Variants in STAT5B observed in about 807,000 individuals in gnomAD.
STAT5B encodes the protein signal transducer and activator of transcription 5B.
In STAT5B, 21 loss-of-function variants were observed where a neutral mutation model predicts 107.8. The ratio of observed to expected loss-of-function variants is 0.19; its 90% CI spans 0.14 to 0.28. The LOEUF (loss-of-function observed/expected upper bound fraction) is 0.28, where lower values mean the gene tolerates loss of function less well. STAT5B is among the 10% of genes least tolerant of loss of function. The probability of loss-of-function intolerance (pLI) is 1.00; values close to 1 mark genes in which losing one functional copy is unlikely to be tolerated. For synonymous variants in STAT5B, 325 were observed against 401.7 expected (o/e 0.81, Z 2.28); for missense variants, 565 against 1,008.2 (o/e 0.56, Z 5.95).
At position 42,219,439 on chromosome 17, in the gene STAT5B, T is replaced by C; in HGVS notation, c.706A>G (p.Thr236Ala). The C allele has an allele frequency of 6.8e-7, 1 of 1,473,332 alleles. No homozygotes were observed. Among genetic ancestry groups the C allele is most frequent in the Non-Finnish European group, 9.1e-7 (1 of 1,093,080 alleles). 91.3% of individuals were successfully genotyped at this position (1,473,332 alleles called of 1,614,324 possible). A position where few individuals can be genotyped will look rare whatever the true frequency, so the allele number is the denominator to read the frequency against. Residue 236 changes from threonine (T) to alanine (A), a missense_variant, in exon 7 of 19, where the codon ACC becomes GCC. Thr to Ala is a moderately conservative substitution (Grantham distance 58). Transcript: ENST00000293328. ...TGCTGCTTCCGCAGCAGCTGCAGGG[T>C]CTTCTGGTGCTTCTCGGCCAGCTCC... ...RVELAEKHQK[T>A]LQLLRKQQTI...
chr17:42,212,043 T>C lies in STAT5B; in HGVS notation c.1621A>G (p.Ser541Gly). 1 of 1,614,080 alleles carries C rather than the reference T, an allele frequency of 6.2e-7. No individual in the cohort carries two copies. The highest frequency in any genetic ancestry group is 1.1e-5 in the South Asian group (1 of 91,072). The change falls in exon 13 of 19, where the codon AGC (serine) becomes GGC (glycine). Residue 541 changes from serine (S) to glycine (G), a missense_variant. This residue lies in a region of STAT5B where 127 missense variants were observed against 215.8 expected (regional missense o/e 0.59). Coordinates refer to ENST00000293328, the MANE Select transcript of STAT5B (RefSeq NM_012448.4). ...CTGTAGTCCTCCAGGTGGCTGCTGC[T>C]GTTGTTGAACAGTTTCTGCGCCAGG... is the stretch of plus-strand genomic sequence containing the variant. ...VFLAQKLFNN[S>G]SSHLEDYSGL...
chr17:42,283,119 G>T, the STAT5B span, among the ~76,000 whole-genome samples: 1 of 152,238 alleles, frequency 6.6e-6, no homozygotes, highest in Non-Finnish European at 1.5e-5. Flanking sequence ...CCCCCAGAGG[G>T]CTTGAGGTTG....
At chr17:42,248,509 A>T (rs2080471375) in intron 1 of STAT5B, among the ~76,000 whole-genome samples, 2 of 152,208 alleles carry the variant, frequency 1.3e-5, no homozygotes, top group Admixed American at 6.5e-5. Flanking sequence ...AGTAAATAAA[A>T]TGCAATTACT....
At chr17:42,287,354 C>A in the STAT5B span, among the ~76,000 whole-genome samples, 1 of 150,904 alleles carries the variant, frequency 6.6e-6, no homozygotes, top group African/African-American at 2.5e-5. Flanking sequence ...AACATGCAGT[C>A]TTGGCCCAGC....
At chr17:42,236,905 C>T (rs1471368499) in intron 1 of STAT5B, among the ~76,000 whole-genome samples, 3 of 152,128 alleles carry the variant, frequency 2.0e-5, no homozygotes, top group Non-Finnish European at 4.4e-5. Context: ...TACCTCTGTC[C>T]CCAGTACCCG....
chr17:42,214,842 T>C (rs1477082191), intron 12 of STAT5B, among the ~76,000 whole-genome samples: 1 of 152,142 alleles, frequency 6.6e-6, no homozygotes, highest in Admixed American at 6.6e-5. Flanking sequence ...CTGGACCTCC[T>C]GGGCTCAGGC....
At chr17:42,247,890 C>T (rs2080464710) in intron 1 of STAT5B, among the ~76,000 whole-genome samples, 1 of 151,388 alleles carries the variant, frequency 6.6e-6, no homozygotes, top group East Asian at 1.9e-4. Flanking sequence ...GAGTTAGTAG[C>T]TGCAGTGAAC....
Position 42,202,943 on chromosome 17 carries a change from A to ATT in STAT5B, c.2078-137_2078-136dup, listed in dbSNP as rs1250238696. On this transcript the variant is annotated intron_variant, in intron 16 of 18. Transcript: ENST00000293328. ...TAAGGATATGACACAAGCACTTAAT[A>ATT]TTTTTTTGTTTTGTTTTTTGAAACA... 3 of 1,235,446 alleles carry ATT rather than the reference A, an allele frequency of 2.4e-6. No homozygotes were observed. In the African/African-American group the frequency reaches 4.5e-5, roughly 18 times the overall value. 76.5% of individuals were successfully genotyped at this position (1,235,446 alleles called of 1,614,324 possible).
intron 16 of STAT5B, among the ~76,000 whole-genome samples, chr17:42,206,871 G>A (rs1428436364): frequency 7.4e-5 from 10 of 134,720 alleles, no homozygotes; most frequent in Non-Finnish European, 1.6e-5. Flanking sequence ...CACCACGCCC[G>A]ACCTTCCTTT....
Position 42,241,929 on chromosome 17 carries a change from C to T in STAT5B, c.-10-9792G>A, listed in dbSNP as rs7208277. Among the ~76,000 whole-genome samples, 1,232 of 151,850 alleles carry T rather than the reference C, an allele frequency of 8.1e-3. 18 individuals are homozygous for T. The highest frequency in any genetic ancestry group is 0.029 in the African/African-American group (1,185 of 41,396). On this transcript the variant is annotated intron_variant, in intron 1 of 18. Transcript: ENST00000293328. Reference sequence around the variant, plus strand: ...TACTACCCTATATGCAATCAGGAAGCCAATTCTCTTTTTAAAAAATCACAT... The same window carrying T: ...TACTACCCTATATGCAATCAGGAAGTCAATTCTCTTTTTAAAAAATCACAT...
intron 1 of STAT5B, among the ~76,000 whole-genome samples, chr17:42,254,273 A>T (rs553860225): frequency 6.6e-6 from 1 of 152,278 alleles, no homozygotes; most frequent in African/African-American, 2.4e-5. Context: ...CTAGCTACTC[A>T]GAAGGCTGAG....
chr17:42,205,031 A>G (rs149671942), intron 16 of STAT5B, among the ~76,000 whole-genome samples: 51 of 152,130 alleles, frequency 3.4e-4, no homozygotes, highest in Admixed American at 1.6e-3. Context: ...TGCATAGGAT[A>G]TATTTCTTTT....
At chr17:42,259,053 T>C (rs1049017844) in intron 1 of STAT5B, among the ~76,000 whole-genome samples, 7 of 152,140 alleles carry the variant, frequency 4.6e-5, no homozygotes, top group Non-Finnish European at 1.0e-4. Context: ...CAAATTCAGT[T>C]TCAAAAATAA....
intron 1 of STAT5B, among the ~76,000 whole-genome samples, chr17:42,242,125 G>C (rs902049815): frequency 1.3e-5 from 2 of 152,166 alleles, no homozygotes; most frequent in African/African-American, 2.4e-5. Flanking sequence ...AGGAAGAACA[G>C]AGAATGGAGG....
intron 13 of STAT5B, 70 bp from the exon 14 acceptor site, chr17:42,210,567 T>G: frequency 7.3e-7 from 1 of 1,372,254 alleles, no homozygotes; most frequent in Non-Finnish European, 1.0e-6. Context: ...ACATATTTAA[T>G]TGGAAAAATT....
the STAT5B span, among the ~76,000 whole-genome samples, chr17:42,285,151 A>G: frequency 6.7e-6 from 1 of 148,664 alleles, no homozygotes; most frequent in Non-Finnish European, 1.5e-5. Context: ...GTGCAGTGGT[A>G]TGATCTCGGC....
chr17:42,267,619 A>G (rs1458817287), intron 1 of STAT5B, among the ~76,000 whole-genome samples: 5 of 152,242 alleles, frequency 3.3e-5, no homozygotes, highest in African/African-American at 1.2e-4. Context: ...GTACATGTTT[A>G]TGTGTTAAGC....
the STAT5B span, among the ~76,000 whole-genome samples, chr17:42,283,958 G>A: frequency 6.6e-6 from 1 of 152,076 alleles, no homozygotes; most frequent in South Asian, 2.1e-4. Flanking sequence ...ATGTTTAAGT[G>A]CTCCAGGGCT....
chr17:42,218,249 G>A lies in STAT5B; in HGVS notation c.1071C>T (p.Gly357=), dbSNP rs769445041. 1.1e-5 allele frequency: 17 copies of A among 1,614,142 alleles called. No individual in the cohort carries two copies. The highest frequency in any genetic ancestry group is 2.2e-5 in the South Asian group (2 of 91,082). ...GGTTCATGTGCACGTTCAGCTTCCC[G>A]CCCACCAGCAGGCGCACAGTGGCTG... ...KFAATVRLLV[G]GKLNVHMNPP... The change falls in exon 9 of 19, where the codon GGC becomes GGT. Residue 357 remains glycine, a synonymous_variant. Coordinates refer to ENST00000293328, the MANE Select transcript of STAT5B (RefSeq NM_012448.4).
Sources: allele counts gnomAD v4.1 joint callset (sites outside exome capture counted in the v4.1 genomes callset), GRCh38; gene constraint gnomAD v4.1.1; regional missense constraint gnomAD v4.1.1; transcripts MANE v1.5; gene names NCBI Gene and HGNC (gene_info 2026-07-23, HGNC 2026-07-21).